The following EFR3B variants were observed in gnomAD, a reference collection of about 807,000 sequenced individuals.
EFR3B encodes protein EFR3 homolog B.
Under a neutral mutation model 104.7 loss-of-function variants are expected in EFR3B, and 64 were observed. The observed-to-expected ratio is 0.61, with a 90% CI of 0.50 to 0.75. The LOEUF (loss-of-function observed/expected upper bound fraction) is 0.75. EFR3B is among the 30% of genes least tolerant of loss of function. EFR3B has a pLI of 0.00. For synonymous variants in EFR3B, 385 were observed against 417.9 expected, an observed-to-expected ratio of 0.92 and a Z score of 0.96; for missense variants, 750 against 1,078.5, an observed-to-expected ratio of 0.70 and a Z score of 4.27.
At position 25,053,616 on chromosome 2, in the gene EFR3B, G is replaced by A. The variant is rs137947348; in HGVS notation, c.7+11297G>A. Among the ~76,000 whole-genome samples the A allele has an allele frequency of 2.8e-3, 424 of 152,244 alleles. 3 individuals are homozygous for A. The highest frequency in any genetic ancestry group is 6.8e-3 in the Middle Eastern group (2 of 294). On this transcript the variant is annotated intron_variant, in intron 1 of 22. Transcript: ENST00000403714. ...ATGGTTTGGGTGTGAATTAAAACTC[G>A]TTCCCTGGCCAGGCGCGGTGGCTCA...
chr2:25,128,884 C>T (rs1254422484), intron 6 of EFR3B, among the ~76,000 whole-genome samples: 2 of 137,728 alleles, frequency 1.5e-5, no homozygotes, highest in African/African-American at 2.7e-5. Context: ...AACGGGAGCC[C>T]GGGAGGCAGA....
chr2:25,091,308 T>C lies in EFR3B; in HGVS notation c.8-17T>C, dbSNP rs764976812. ...ACCAGGAGGCTTTGCTCACAGTTTT[T>C]CCCATTCTTATTCCAGGTGTGTGTG... is the stretch of plus-strand genomic sequence containing the variant. On this transcript the variant is annotated splice_polypyrimidine_tract_variant and intron_variant, in intron 1 of 22. Transcript: ENST00000403714. The C allele has an allele frequency of 4.6e-5, 71 of 1,549,056 alleles. No individual in the cohort carries two copies. The African/African-American group carries it at 8.0e-4, about 17-fold the overall frequency.
rs545531365 is a variant in EFR3B, at chr2:25,142,682, C to T, written c.1923-1053C>T. 2.6e-5 allele frequency among the ~76,000 whole-genome samples: 4 copies of T among 151,220 alleles called. No homozygotes were observed. In the South Asian group the frequency reaches 8.4e-4, roughly 32 times the overall value. On this transcript the variant is annotated intron_variant, in intron 17 of 22. Transcript: ENST00000403714. ...GCTGAGGCAGGAGAATCCCTTGAAC[C>T]TGGGAGGCAGAGGTTGCAGTGAGCT...
chr2:25,136,045 G>A lies in EFR3B; in HGVS notation c.1484+406G>A, dbSNP rs984700824. Among the ~76,000 whole-genome samples the A allele has an allele frequency of 6.6e-6, 1 of 152,104 alleles. No individual in the cohort carries two copies. The highest frequency in any genetic ancestry group is 2.4e-5 in the African/African-American group (1 of 41,404). On this transcript the variant is annotated intron_variant, in intron 13 of 22. Coordinates refer to ENST00000403714, the MANE Select transcript of EFR3B (RefSeq NM_014971.2). The surrounding 1 kb of genome is among the most constrained non-coding windows in gnomAD (Gnocchi z 4.0). ...GATTTAAGAGAAAGGGGGTCAGGGC[G>A]GTGGCTCGTGCCTGTAATCTCACAC...
intron 4 of EFR3B, among the ~76,000 whole-genome samples, chr2:25,105,296 G>A (rs565423567): frequency 6.6e-6 from 1 of 152,236 alleles, no homozygotes; most frequent in Non-Finnish European, 1.5e-5. Context: ...GGGATTATAG[G>A]CATACACCAC....
chr2:25,088,459 T>G (rs930494976), intron 1 of EFR3B, among the ~76,000 whole-genome samples: 1 of 152,144 alleles, frequency 6.6e-6, no homozygotes, highest in African/African-American at 2.4e-5. Flanking sequence ...TTGGTCGCTG[T>G]GGCCAAGCAA....
intron 6 of EFR3B, among the ~76,000 whole-genome samples, chr2:25,129,057 T>A (rs917718717): frequency 6.7e-6 from 1 of 149,080 alleles, no homozygotes; most frequent in African/African-American, 2.5e-5. Context: ...TTCCTTCCTC[T>A]GTTGCTTCCT....
intron 5 of EFR3B, among the ~76,000 whole-genome samples, chr2:25,122,278 T>C (rs1310998152): frequency 2.0e-5 from 3 of 151,942 alleles, no homozygotes; most frequent in South Asian, 2.1e-4. Context: ...CCACATGTGG[T>C]TTCTAAAGGA....
chr2:25,048,644 A>G (rs1246487546), intron 1 of EFR3B, among the ~76,000 whole-genome samples: 1 of 152,212 alleles, frequency 6.6e-6, no homozygotes, highest in Non-Finnish European at 1.5e-5. Flanking sequence ...GTATAATACA[A>G]TATATAAAAT....
rs1289660730 is a variant in EFR3B, at chr2:25,137,389, A to G, written c.1609A>G (p.Thr537Ala). 6.4e-7 allele frequency: 1 copy of G among 1,551,994 alleles called. No homozygotes were observed. The highest frequency in any genetic ancestry group is 1.2e-5 in the South Asian group (1 of 84,056). Residue 537 changes from threonine (T) to alanine (A), a missense_variant, in exon 15 of 23, where the codon ACA becomes GCA. Thr to Ala is a moderately conservative substitution (Grantham distance 58, BLOSUM62 0). Transcript: ENST00000403714. This position sits in a 1 kb window ranked among gnomAD's most constrained non-coding sequence, Gnocchi z 4.7. ...CATCTACCTGAGCTGCAAGGAGGAAACAAACGTGCAGAAACACTACGAGGC... is the reference window on the plus strand; with the variant it reads ...CATCTACCTGAGCTGCAAGGAGGAAGCAAACGTGCAGAAACACTACGAGGC... Reference protein sequence around the residue: ...RHIYLSCKEETNVQKHYEALY... With the variant: ...RHIYLSCKEEANVQKHYEALY...
intron 1 of EFR3B, chr2:25,081,612 C>T: frequency 6.5e-6 from 5 of 767,638 alleles, no homozygotes; most frequent in Non-Finnish European, 9.4e-6. Context: ...GAGCAGTGGC[C>T]CGCAGGGCTG....
chr2:25,148,113 C>G (rs1192554069), intron 19 of EFR3B, among the ~76,000 whole-genome samples: 1 of 150,964 alleles, frequency 6.6e-6, no homozygotes, highest in Non-Finnish European at 1.5e-5. Flanking sequence ...GGAATTTAGT[C>G]CAAATTCCTT....
intron 1 of EFR3B, among the ~76,000 whole-genome samples, chr2:25,089,619 G>T (rs988703849): frequency 1.3e-5 from 2 of 152,226 alleles, no homozygotes; most frequent in Middle Eastern, 3.4e-3. Context: ...TAAACCCTGG[G>T]CTTCCAGGCC....
chr2:25,086,688 G>A (rs1014228600), intron 1 of EFR3B, among the ~76,000 whole-genome samples: 2 of 152,084 alleles, frequency 1.3e-5, no homozygotes, highest in Non-Finnish European at 2.9e-5. Context: ...TGCCTCCTGG[G>A]TTCAAGTGAT....
In EFR3B at chr2:25,154,404, C is replaced by T. The variant is rs1671103728; in HGVS notation, c.*64C>T. 7.2e-7 allele frequency: 1 copy of T among 1,387,456 alleles called. No homozygotes were observed. The highest frequency in any genetic ancestry group is 1.4e-5 in the African/African-American group (1 of 69,224). 85.9% of individuals were successfully genotyped at this position (1,387,456 alleles called of 1,614,324 possible). A position where few individuals can be genotyped will look rare whatever the true frequency, so the allele number is the denominator to read the frequency against. On this transcript the variant is annotated 3_prime_UTR_variant, in exon 23 of 23. Transcript: ENST00000403714. This position sits in a 1 kb window ranked among gnomAD's most constrained non-coding sequence, Gnocchi z 4.1. ...AGGAGGGGCTCACCTCACGCCCACC[C>T]CGACCACATGGAGATCTGGCTGTGA...
intron 1 of EFR3B, among the ~76,000 whole-genome samples, chr2:25,090,627 C>G (rs913857644): frequency 2.6e-5 from 4 of 152,224 alleles, no homozygotes; most frequent in African/African-American, 9.7e-5. Flanking sequence ...CCTCAAGGCC[C>G]TGCCCAACTC....
At chr2:25,134,177 ATTTTT>A (rs58106803) in intron 12 of EFR3B, among the ~76,000 whole-genome samples, 1 of 138,514 alleles carries the variant, frequency 7.2e-6, no homozygotes, top group Non-Finnish European at 1.6e-5. Flanking sequence ...CTCAGTTTAT[ATTTTT>A]TTTTTTTTTT....
chr2:25,129,774 G>A (rs907461012), intron 6 of EFR3B, among the ~76,000 whole-genome samples: 2 of 152,088 alleles, frequency 1.3e-5, no homozygotes, highest in African/African-American at 2.4e-5. Flanking sequence ...TTTCTTCTCC[G>A]GTCTTCCCCC....
chr2:25,094,593 C>T (rs528202967), intron 3 of EFR3B, among the ~76,000 whole-genome samples: 1 of 152,150 alleles, frequency 6.6e-6, no homozygotes, highest in South Asian at 2.1e-4. Context: ...ATATAATTTC[C>T]AGTATTAACC....
Sources: gnomAD v4.1 joint callset for allele counts (sites outside exome capture counted in the v4.1 genomes callset) on GRCh38, gnomAD v4.1.1 for gene constraint, Gnocchi (gnomAD v3.1) non-coding constraint, MANE v1.5 for transcripts, NCBI Gene and HGNC (gene_info 2026-07-23, HGNC 2026-07-21) for gene names.